ADGRF5: variants seen among roughly 807,000 people sequenced by gnomAD.
ADGRF5 encodes the protein G-protein coupled receptor 116.
In ADGRF5, 75 loss-of-function variants were observed where a neutral mutation model predicts 132.3. The ratio of observed to expected loss-of-function variants is 0.57; its 90% confidence interval spans 0.47 to 0.69. The LOEUF is 0.69. Among genes scored for constraint, ADGRF5 ranks in the 30% least tolerant of loss-of-function variants. The pLI is 0.00. For synonymous variants in ADGRF5, 629 were observed against 597.6 expected (o/e 1.05, Z -0.77); for missense variants, 1,516 against 1,630.6 (o/e 0.93, Z 1.21).
chr6:46,890,318 C>A (rs1773519786), intron 3 of ADGRF5, among the ~76,000 whole-genome samples: 2 of 151,994 alleles, frequency 1.3e-5, no homozygotes, highest in Admixed American at 6.6e-5. Flanking sequence ...GTTTTGAACT[C>A]TTGGGCTCAA....
At chr6:46,883,477 A>G in intron 6 of ADGRF5, 82 bp downstream of exon 6, 2 of 711,072 alleles carry the variant, frequency 2.8e-6, no homozygotes, top group Non-Finnish European at 2.5e-6. Flanking sequence ...GACAGATCCA[A>G]GCCATGTTCA....
intron 2 of ADGRF5, among the ~76,000 whole-genome samples, chr6:46,902,989 C>T (rs748700421): frequency 6.6e-6 from 1 of 152,160 alleles, no homozygotes; most frequent in Non-Finnish European, 1.5e-5. Context: ...TTCACTCCCT[C>T]GAATCCTCTG....
intron 3 of ADGRF5, among the ~76,000 whole-genome samples, chr6:46,899,667 T>G (rs9367259): frequency 4.3e-5 from 3 of 69,666 alleles, no homozygotes; most frequent in African/African-American, 6.1e-5. Context: ...TTTTTTTTTT[T>G]GTTTGTTTTG....
intron 3 of ADGRF5, among the ~76,000 whole-genome samples, chr6:46,893,186 A>C (rs1251964804): frequency 6.7e-6 from 1 of 149,366 alleles, no homozygotes; most frequent in Non-Finnish European, 1.5e-5. Context: ...ATGTCACTCT[A>C]GGAATAGTAA....
intron 10 of ADGRF5, among the ~76,000 whole-genome samples, chr6:46,873,218 T>C (rs1236647308): frequency 6.6e-6 from 1 of 152,102 alleles, no homozygotes; most frequent in African/African-American, 2.4e-5. Flanking sequence ...CTTCCTGAAA[T>C]GGTCTTTCCC....
At chr6:46,899,228 C>T (rs1008061743) in intron 3 of ADGRF5, among the ~76,000 whole-genome samples, 3 of 151,768 alleles carry the variant, frequency 2.0e-5, no homozygotes, top group Non-Finnish European at 2.9e-5. Flanking sequence ...GTGTTGATGA[C>T]GTGAAAGGGA....
At chr6:46,933,525 C>T (rs537955383) in intron 1 of ADGRF5, among the ~76,000 whole-genome samples, 2 of 152,226 alleles carry the variant, frequency 1.3e-5, no homozygotes, top group South Asian at 2.1e-4. Context: ...AGAGATGGAC[C>T]GACCTAGTTG....
At chr6:46,934,989 G>A (rs141105366) in intron 1 of ADGRF5, among the ~76,000 whole-genome samples, 2,845 of 148,456 alleles carry the variant, frequency 0.019, 51 homozygotes, top group Middle Eastern at 0.056. Context: ...CCACCATATG[G>A]TGATAGTTCT....
upstream of ADGRF5, among the ~76,000 whole-genome samples, chr6:46,923,314 T>C (rs1777087293): frequency 6.6e-6 from 1 of 152,178 alleles, no homozygotes; most frequent in Non-Finnish European, 1.5e-5. Context: ...AAGAGTTTAG[T>C]AACTGTTTGT....
At chr6:46,906,520 T>A (rs1031281439) in intron 2 of ADGRF5, 141 bp downstream of exon 2, 6 of 620,666 alleles carry the variant, frequency 9.7e-6, no homozygotes, top group Non-Finnish European at 1.7e-5. Flanking sequence ...GCAACATTTT[T>A]TCTTATGTTG....
chr6:46,924,300 T>C (rs1203999302), upstream of ADGRF5, among the ~76,000 whole-genome samples: 1 of 152,244 alleles, frequency 6.6e-6, no homozygotes, highest in African/African-American at 2.4e-5. Flanking sequence ...GTTACCACAC[T>C]GCATTCAAAC....
intron 1 of ADGRF5, among the ~76,000 whole-genome samples, chr6:46,945,421 T>C (rs536737556): frequency 6.6e-6 from 1 of 152,324 alleles, no homozygotes; most frequent in African/African-American, 2.4e-5. Flanking sequence ...GTGACACTTT[T>C]GCGTTCCTAA....
chr6:46,941,477 A>C (rs2150943826), intron 1 of ADGRF5, among the ~76,000 whole-genome samples: 1 of 133,342 alleles, frequency 7.5e-6, no homozygotes, highest in Admixed American at 7.5e-5. Context: ...AAAGAAAAGA[A>C]AAGAAAAGAA....
chr6:46,889,220 A>G (rs1773377212), intron 3 of ADGRF5, among the ~76,000 whole-genome samples: 1 of 146,698 alleles, frequency 6.8e-6, no homozygotes, highest in Non-Finnish European at 1.5e-5. Flanking sequence ...ATATAGAGAG[A>G]GTATATATAG....
chr6:46,920,306 G>A (rs1030487912), intron 1 of ADGRF5, among the ~76,000 whole-genome samples: 2 of 152,040 alleles, frequency 1.3e-5, no homozygotes, highest in Admixed American at 6.6e-5. Flanking sequence ...GTAAAAATGA[G>A]TAAAACTCTT....
rs183251989 is a variant in ADGRF5 at position 46,897,128 on chromosome 6, A to G, written c.157+2901T>C. 5.0e-3 allele frequency among the ~76,000 whole-genome samples: 715 copies of G among 142,928 alleles called. 2 individuals are homozygous for G. Among genetic ancestry groups the G allele is most frequent in the Non-Finnish European group, 8.1e-3 (543 of 67,284 alleles). The allele number at this position is 142,928 out of a possible 152,430, so 93.8% of individuals were successfully genotyped here. A position where few individuals can be genotyped will look rare whatever the true frequency, so the allele number is the denominator to read the frequency against. On this transcript the variant is annotated intron_variant, in intron 3 of 20. Transcript: ENST00000283296. ...TACATGTATACACATATACACAGACATATGCATGCATATATATACACACAC... is the reference window on the plus strand; with the variant it reads ...TACATGTATACACATATACACAGACGTATGCATGCATATATATACACACAC...
intron 1 of ADGRF5, among the ~76,000 whole-genome samples, chr6:46,937,400 T>C (rs1257004674): frequency 1.3e-5 from 2 of 152,182 alleles, no homozygotes; most frequent in African/African-American, 4.8e-5. Context: ...TTTTATTTTC[T>C]TATTTTAGTA....
At chr6:46,926,999 C>T (rs760400098) in intron 1 of ADGRF5, among the ~76,000 whole-genome samples, 1 of 152,110 alleles carries the variant, frequency 6.6e-6, no homozygotes, top group African/African-American at 2.4e-5. Flanking sequence ...GCAGTAACAG[C>T]GAGGCTGATC....
intron 1 of ADGRF5, among the ~76,000 whole-genome samples, chr6:46,919,253 A>C (rs1468395334): frequency 6.6e-6 from 1 of 152,210 alleles, no homozygotes; most frequent in African/African-American, 2.4e-5. Flanking sequence ...ATGGGGCTGC[A>C]AAGACAGTAA....
Sources: allele counts gnomAD v4.1 joint callset (sites outside exome capture counted in the v4.1 genomes callset), GRCh38; gene constraint gnomAD v4.1.1; transcripts MANE v1.5; gene names NCBI Gene and HGNC (gene_info 2026-07-23, HGNC 2026-07-21).